Variants in WIPF2 observed in about 807,000 individuals in gnomAD.
The protein encoded by WIPF2 is WAS/WASL interacting protein family member 2.
A neutral mutation model predicts 38.8 loss-of-function variants in WIPF2; 23 were observed. That is an observed-to-expected ratio of 0.59 (90% CI 0.43 to 0.84). WIPF2 has a LOEUF of 0.84. Ranked by LOEUF, WIPF2 falls within the 40% of genes least tolerant of loss-of-function variation. The pLI, the probability that WIPF2 is intolerant of heterozygous loss-of-function variation, is 0.00. For missense variants in WIPF2, 574 were observed against 580.5 expected (o/e 0.99, Z 0.11); for synonymous variants, 210 against 223.2 (o/e 0.94, Z 0.53).
At chr17:40,273,530 G>A in intron 5 of WIPF2, 1 of 455,920 alleles carries the variant, frequency 2.2e-6, no homozygotes, top group Non-Finnish European at 3.9e-6. Flanking sequence ...AATTGTGGAG[G>A]AAGGCATGGA....
rs1274356425 is a variant in WIPF2 at position 40,228,008 on chromosome 17, TTG to T, written c.-70+8518_-70+8519del. On this transcript the variant is annotated intron_variant, in intron 1 of 7. Transcript: ENST00000323571. ...CTTTTGCTTGTTTTTATACCTCTTT[TTG>T]TTTTTTTTTTTTTTTTTTTTTTTGA... is the stretch of plus-strand genomic sequence containing the variant. Among the ~76,000 whole-genome samples, 25 of 136,432 alleles carry T rather than the reference TTG, an allele frequency of 1.8e-4. 2 individuals carry two copies. Among genetic ancestry groups the T allele is most frequent in the African/African-American group, 5.5e-4 (19 of 34,824 alleles). The allele number at this position is 136,432 out of a possible 152,430, so 89.5% of individuals were successfully genotyped here.
intron 1 of WIPF2, among the ~76,000 whole-genome samples, chr17:40,255,628 A>ATTT (rs1174598826): frequency 2.3e-5 from 3 of 129,376 alleles, no homozygotes; most frequent in African/African-American, 5.8e-5. Flanking sequence ...CCCGGCCTAA[A>ATTT]TTTTTTTTTT....
At chr17:40,241,652 G>C (rs1323512505) in intron 1 of WIPF2, among the ~76,000 whole-genome samples, 1 of 152,172 alleles carries the variant, frequency 6.6e-6, no homozygotes, top group African/African-American at 2.4e-5. Flanking sequence ...CCAGGAATCA[G>C]TGTTTTTGGT....
rs542575363 is a variant in WIPF2 at position 40,283,764 on chromosome 17, G to A, written c.*5539G>A. On this transcript the variant is annotated 3_prime_UTR_variant, in exon 8 of 8. Transcript: ENST00000323571. ...TTTATGTGGGTGTTGGCTGTTTTTC[G>A]TCACTGCTTTTTAAGCTGAATCTTA... 1.8e-4 allele frequency: 28 copies of A among 152,236 alleles called. No individual in the cohort carries two copies. The highest frequency in any genetic ancestry group is 5.5e-4 in the African/African-American group (23 of 41,532). 9.4% of individuals were successfully genotyped at this position (152,236 alleles called of 1,614,324 possible).
At chr17:40,234,520 TGA>T (rs1243426213) in intron 1 of WIPF2, among the ~76,000 whole-genome samples, 1 of 151,982 alleles carries the variant, frequency 6.6e-6, no homozygotes, top group Non-Finnish European at 1.5e-5. Flanking sequence ...TTTGGGAGGC[TGA>T]GAGGTGGGAG....
At chr17:40,246,708 A>G (rs140286064) in intron 1 of WIPF2, among the ~76,000 whole-genome samples, 68 of 151,980 alleles carry the variant, frequency 4.5e-4, no homozygotes, top group Middle Eastern at 3.4e-3. Context: ...GGCCTGTGCT[A>G]CTCTTATATT....
At chr17:40,236,347 T>G (rs1239154668) in intron 1 of WIPF2, among the ~76,000 whole-genome samples, 1 of 152,068 alleles carries the variant, frequency 6.6e-6, no homozygotes, top group Non-Finnish European at 1.5e-5. Flanking sequence ...CTAACCTTTT[T>G]TTTTCTTTTG....
intron 1 of WIPF2, among the ~76,000 whole-genome samples, chr17:40,246,288 G>A (rs551403291): frequency 3.3e-5 from 5 of 151,564 alleles, no homozygotes; most frequent in South Asian, 4.2e-4. Flanking sequence ...GTTTCACCAC[G>A]TTGGCCAGGC....
intron 1 of WIPF2, among the ~76,000 whole-genome samples, chr17:40,245,450 C>T (rs527953908): frequency 2.6e-4 from 39 of 151,984 alleles, no homozygotes; most frequent in African/African-American, 7.2e-4. Flanking sequence ...TCAAGTGATT[C>T]TCCTGCCTCA....
At chr17:40,250,477 C>T (rs1213633511) in intron 1 of WIPF2, among the ~76,000 whole-genome samples, 1 of 150,658 alleles carries the variant, frequency 6.6e-6, no homozygotes, top group Middle Eastern at 3.2e-3. Flanking sequence ...TCTCTATCTC[C>T]TGACCTTGTG....
chr17:40,256,198 C>T (rs2031726767), intron 1 of WIPF2, among the ~76,000 whole-genome samples, 193 bp from the exon 2 acceptor site: 2 of 151,188 alleles, frequency 1.3e-5, no homozygotes, highest in African/African-American at 4.9e-5. Context: ...TGTTCAGCAT[C>T]ATAAGTCATT....
In WIPF2 at chr17:40,245,186, G is replaced by GT. The variant is rs1014467397; in HGVS notation, c.-69-11197dup. Among the ~76,000 whole-genome samples the GT allele has an allele frequency of 2.5e-4, 38 of 151,746 alleles. 1 individual carries two copies. The highest frequency in any genetic ancestry group is 5.8e-4 in the African/African-American group (24 of 41,372). On this transcript the variant is annotated intron_variant, in intron 1 of 7. Coordinates refer to ENST00000323571, the MANE Select transcript of WIPF2 (RefSeq NM_133264.5). ...CTATACTCTACCTTTATGATTCTCT[G>GT]TTTTTTTTACTCCTTTTATCAGTAA...
intron 1 of WIPF2, among the ~76,000 whole-genome samples, chr17:40,254,014 G>T (rs2145356877): frequency 6.7e-6 from 1 of 149,084 alleles, no homozygotes. Context: ...TGCCATGCTG[G>T]TTTGATTTTT....
rs1382326757 is a variant in WIPF2 at position 40,247,407 on chromosome 17, TG to T, written c.-69-8980del. Among the ~76,000 whole-genome samples, 3 of 151,220 alleles carry T rather than the reference TG, an allele frequency of 2.0e-5. No individual in the cohort carries two copies. In the East Asian group the frequency reaches 5.9e-4, roughly 30 times the overall value. ...CTAATTTTTGTATTTTTAGTAGGGA[TG>T]GGGTTTCACCATGTTGGCCAGGCTA... is the stretch of plus-strand genomic sequence containing the variant. On this transcript the variant is annotated intron_variant, in intron 1 of 7. Transcript: ENST00000323571.
At chr17:40,255,817 G>A (rs1324327748) in intron 1 of WIPF2, among the ~76,000 whole-genome samples, 4 of 150,894 alleles carry the variant, frequency 2.7e-5, no homozygotes, top group African/African-American at 9.7e-5. Context: ...TAGTAGAGAC[G>A]GGGTTTCACC....
At chr17:40,222,861 G>C (rs1311663817) in intron 1 of WIPF2, among the ~76,000 whole-genome samples, 1 of 147,896 alleles carries the variant, frequency 6.8e-6, no homozygotes, top group South Asian at 2.2e-4. Context: ...AGTAGAGATG[G>C]GGTTTCACCA....
chr17:40,235,222 A>G (rs1421610303), intron 1 of WIPF2, among the ~76,000 whole-genome samples: 1 of 152,086 alleles, frequency 6.6e-6, no homozygotes, highest in Non-Finnish European at 1.5e-5. Context: ...GTGTTGGTAG[A>G]ATTTAAACCA....
At chr17:40,274,105 A>G in intron 6 of WIPF2, 106 bp downstream of exon 6, 1 of 930,762 alleles carries the variant, frequency 1.1e-6, no homozygotes, top group Non-Finnish European at 1.6e-6. Context: ...GCCACATGGG[A>G]TCCTTTGTTC....
At chr17:40,261,696 T>G (rs1444375107) in intron 3 of WIPF2, among the ~76,000 whole-genome samples, 8 of 149,772 alleles carry the variant, frequency 5.3e-5, no homozygotes, top group South Asian at 2.1e-4. Context: ...TTTTTGTTTT[T>G]TTTTTTTGGA....
Sources: allele counts gnomAD v4.1 joint callset (sites outside exome capture counted in the v4.1 genomes callset), GRCh38; gene constraint gnomAD v4.1.1; transcripts MANE v1.5; gene names NCBI Gene and HGNC (gene_info 2026-07-23, HGNC 2026-07-21).